Variants in ANK1 observed in about 807,000 individuals in gnomAD.
ANK1 encodes the protein ankyrin 1.
Under a neutral mutation model 210.4 loss-of-function variants are expected in ANK1, and 51 were observed. The ratio of observed to expected loss-of-function variants is 0.24; its 90% CI spans 0.19 to 0.31. ANK1 has a LOEUF of 0.31. Among genes scored for constraint, ANK1 ranks in the 10% least tolerant of loss-of-function variants. The pLI is 1.00. For missense variants in ANK1, 2,051 were observed against 2,504.4 expected (o/e 0.82, Z 3.86); for synonymous variants, 967 against 1,025.9 (o/e 0.94, Z 1.10).
Position 41,668,327 on chromosome 8 carries a change from C to T in ANK1, c.5334G>A (p.Arg1778=). The change falls in exon 39 of 43, where the codon AGG becomes AGA. Residue 1778 remains arginine (R), a synonymous_variant. Transcript: ENST00000289734. ...AESSQADRDR[R]QQGQEEQVQE... is the part of the protein sequence containing the mutation. ...GCACCTGCTCTTCTTGGCCTTGCTG[C>T]CTCCGGTCCCTGTCGGCCTGGGAGC... is the stretch of plus-strand genomic sequence containing the variant. 2 of 1,614,200 alleles carry T rather than the reference C, an allele frequency of 1.2e-6. No homozygotes were observed. Among genetic ancestry groups the T allele is most frequent in the South Asian group, 1.1e-5 (1 of 91,088 alleles).
intron 1 of ANK1, among the ~76,000 whole-genome samples, chr8:41,813,849 T>C (rs1201083740): frequency 2.0e-5 from 3 of 152,192 alleles, no homozygotes; most frequent in Non-Finnish European, 4.4e-5. Flanking sequence ...AATGTAACAA[T>C]ATGAACTATG....
At chr8:41,740,162 A>T (rs1289583456) in intron 2 of ANK1, among the ~76,000 whole-genome samples, 10 of 137,450 alleles carry the variant, frequency 7.3e-5, no homozygotes, top group African/African-American at 1.6e-4. Context: ...TTTGTTTTTG[A>T]TTTTTTTTTT....
At chr8:41,752,806 C>CA (rs377745544) in intron 2 of ANK1, among the ~76,000 whole-genome samples, 1 of 151,658 alleles carries the variant, frequency 6.6e-6, no homozygotes, top group Non-Finnish European at 1.5e-5. Flanking sequence ...AGGCCCCCCC[C>CA]CACTGCACCG....
intron 2 of ANK1, among the ~76,000 whole-genome samples, chr8:41,755,053 G>T (rs1422581581): frequency 6.6e-6 from 1 of 152,258 alleles, no homozygotes; most frequent in Admixed American, 6.5e-5. Context: ...CTCTTTAAGA[G>T]AGAGGCCAGG....
At chr8:41,671,655 G>T (rs1168767228) in intron 38 of ANK1, among the ~76,000 whole-genome samples, 8 of 149,980 alleles carry the variant, frequency 5.3e-5, no homozygotes, top group Non-Finnish European at 1.2e-4. Flanking sequence ...AGCCCTCCCA[G>T]CACCCCGATG....
At chr8:41,675,800 T>C (rs1813942860) in intron 37 of ANK1, among the ~76,000 whole-genome samples, 1 of 152,250 alleles carries the variant, frequency 6.6e-6, no homozygotes, top group African/African-American at 2.4e-5. Flanking sequence ...GACCCCGATC[T>C]GCTTTTTGCC....
chr8:41,808,663 C>T (rs922308201), intron 1 of ANK1, among the ~76,000 whole-genome samples: 1 of 151,738 alleles, frequency 6.6e-6, no homozygotes, highest in Non-Finnish European at 1.5e-5. Flanking sequence ...GAGACTCTGT[C>T]TAAAAAAATA....
At chr8:41,840,703 TG>T (rs1373972798) in intron 1 of ANK1, among the ~76,000 whole-genome samples, 1 of 152,136 alleles carries the variant, frequency 6.6e-6, no homozygotes, top group African/African-American at 2.4e-5. Flanking sequence ...CTCCCAAAGG[TG>T]GGGTCTCCAA....
intron 2 of ANK1, among the ~76,000 whole-genome samples, chr8:41,736,519 T>G (rs60808091): frequency 6.6e-6 from 1 of 152,200 alleles, no homozygotes; most frequent in Non-Finnish European, 1.5e-5. Context: ...GCTGTCGGCA[T>G]GGCTGGAGTG....
rs144297542 is a variant in ANK1 at position 41,827,070 on chromosome 8, T to C, written c.127-68933A>G. Among the ~76,000 whole-genome samples the C allele has an allele frequency of 4.4e-3, 667 of 152,384 alleles. 3 individuals are homozygous for C. The highest frequency in any genetic ancestry group is 0.015 in the African/African-American group (627 of 41,592). ...TGGTTTTCTGTTGCTGGTAATAATATAAGCCCTTAATAATCAGCAACCTTG... is the reference window on the plus strand; with the variant it reads ...TGGTTTTCTGTTGCTGGTAATAATACAAGCCCTTAATAATCAGCAACCTTG... On this transcript the variant is annotated intron_variant, in intron 1 of 42. Transcript: ENST00000265709.
chr8:41,891,264 A>G (rs139284259), intron 1 of ANK1, among the ~76,000 whole-genome samples: 368 of 151,304 alleles, frequency 2.4e-3, no homozygotes, highest in African/African-American at 8.4e-3. Context: ...AAAATAGGGA[A>G]GAAACCTCAG....
At position 41,860,949 on chromosome 8, in the gene ANK1, A is replaced by G. The variant is rs554713934; in HGVS notation, c.126+35406T>C. On this transcript the variant is annotated intron_variant, in intron 1 of 42. Transcript: ENST00000265709. ...GTTTATGAACAGAACTGCTGCTTCC[A>G]GAAAACTCCTCTGCCATTTTAACAA... Among the ~76,000 whole-genome samples the G allele has an allele frequency of 4.9e-4, 74 of 152,358 alleles. 1 individual carries two copies. The highest frequency in any genetic ancestry group is 1.5e-3 in the African/African-American group (64 of 41,580).
chr8:41,665,257 C>A, intron 39 of ANK1: 3 of 1,505,996 alleles, frequency 2.0e-6, no homozygotes, highest in Non-Finnish European at 2.7e-6. Flanking sequence ...TGCCCAGCAG[C>A]CAGGCTCTGC....
At chr8:41,776,737 T>A (rs1657423087) in intron 1 of ANK1, among the ~76,000 whole-genome samples, 1 of 152,210 alleles carries the variant, frequency 6.6e-6, no homozygotes, top group African/African-American at 2.4e-5. Flanking sequence ...ATTAAACTAC[T>A]AACTGGCCTA....
At chr8:41,746,497 C>CT (rs1394272472) in intron 2 of ANK1, among the ~76,000 whole-genome samples, 1 of 152,178 alleles carries the variant, frequency 6.6e-6, no homozygotes, top group Non-Finnish European at 1.5e-5. Flanking sequence ...AACTTTAGCC[C>CT]TCCTGCCTGG....
At chr8:41,703,938 C>T in intron 20 of ANK1, 103 bp downstream of exon 20, 1 of 1,123,896 alleles carries the variant, frequency 8.9e-7, no homozygotes, top group African/African-American at 1.5e-5. Context: ...CGGCCCCGTC[C>T]AGGCCCTAGA....
chr8:41,752,804 C>CT (rs1554597034), intron 2 of ANK1, among the ~76,000 whole-genome samples: 1 of 151,654 alleles, frequency 6.6e-6, no homozygotes, highest in Non-Finnish European at 1.5e-5. Context: ...ACAGGCCCCC[C>CT]CCCACTGCAC....
intron 1 of ANK1, among the ~76,000 whole-genome samples, chr8:41,824,226 A>C (rs1255544638): frequency 6.6e-6 from 1 of 152,138 alleles, no homozygotes; most frequent in Non-Finnish European, 1.5e-5. Flanking sequence ...CGGCCTCCCA[A>C]AGTGCTGGGA....
chr8:41,869,029 T>C (rs1815002140), intron 1 of ANK1, among the ~76,000 whole-genome samples: 1 of 152,178 alleles, frequency 6.6e-6, no homozygotes, highest in Non-Finnish European at 1.5e-5. Flanking sequence ...TTAAATGGGA[T>C]GAGGAAAGCA....
Sources: gnomAD v4.1 joint callset for allele counts (sites outside exome capture counted in the v4.1 genomes callset) on GRCh38, gnomAD v4.1.1 for gene constraint, MANE v1.5 for transcripts, NCBI Gene and HGNC (gene_info 2026-07-23, HGNC 2026-07-21) for gene names.